Variants in RPH3A observed in about 807,000 individuals in gnomAD.
RPH3A encodes rabphilin 3A.
A neutral mutation model predicts 102.2 loss-of-function variants in RPH3A; 48 were observed. The ratio of observed to expected loss-of-function variants is 0.47; its 90% CI spans 0.37 to 0.60. The LOEUF (loss-of-function observed/expected upper bound fraction) is 0.60. Among genes scored for constraint, RPH3A ranks in the 20% least tolerant of loss-of-function variants. The pLI, the probability that RPH3A is intolerant of heterozygous loss-of-function variation, is 0.00. For missense variants in RPH3A, 781 were observed against 910.1 expected (o/e 0.86, Z 1.83); for synonymous variants, 310 against 324.3 (o/e 0.96, Z 0.47).
intron 5 of RPH3A, among the ~76,000 whole-genome samples, chr12:112,864,906 A>AC (rs1383868604): frequency 2.0e-5 from 3 of 151,056 alleles, no homozygotes; most frequent in South Asian, 2.1e-4. Context: ...GTCAAGGAAG[A>AC]CCCCCCTGCC....
intron 2 of RPH3A, among the ~76,000 whole-genome samples, chr12:112,804,967 G>A (rs1038316380): frequency 1.3e-5 from 2 of 152,104 alleles, no homozygotes; most frequent in Non-Finnish European, 2.9e-5. Context: ...CACTGGCCCT[G>A]GTGAAAGGAG....
chr12:112,718,428 G>T (rs915692458), intron 1 of RPH3A, among the ~76,000 whole-genome samples: 2 of 152,086 alleles, frequency 1.3e-5, no homozygotes, highest in African/African-American at 4.8e-5. Context: ...TATGTCTAAA[G>T]TCTATAACAA....
chr12:112,713,098 T>TTCTTCTTCTTCTTCC, intron 1 of RPH3A, among the ~76,000 whole-genome samples: 1 of 137,458 alleles, frequency 7.3e-6, no homozygotes, highest in African/African-American at 2.6e-5. Flanking sequence ...CTTCTTCTTC[T>TTCTTCTTCTTCTTCC]TCTTTTATTT....
chr12:112,752,518 A>G (rs2040791463), intron 1 of RPH3A, among the ~76,000 whole-genome samples: 2 of 151,588 alleles, frequency 1.3e-5, no homozygotes, highest in South Asian at 4.1e-4. Flanking sequence ...GTTCAAAACC[A>G]CAATCATTGG....
intron 1 of RPH3A, among the ~76,000 whole-genome samples, chr12:112,681,831 G>T (rs2040228129): frequency 6.6e-6 from 1 of 152,204 alleles, no homozygotes; most frequent in African/African-American, 2.4e-5. Flanking sequence ...AAATCTGTTG[G>T]TGCTTCTCTC....
chr12:112,795,592 C>T (rs891749637), intron 2 of RPH3A, among the ~76,000 whole-genome samples: 1 of 152,146 alleles, frequency 6.6e-6, no homozygotes, highest in Non-Finnish European at 1.5e-5. Flanking sequence ...TCTGGCATTT[C>T]CTTGCTGTGT....
In RPH3A at chr12:112,869,996, G is replaced by C. The variant is rs1176405770; in HGVS notation, c.753G>C (p.Trp251Cys). ...MSSSSRDSES[W>C]DHSGGAGDSS... is the part of the protein sequence containing the mutation. ...CATCTAGCCGAGATTCAGAGAGCTG[G>C]GACCACAGTGGGGGTGCTGGAGACT... Residue 251 changes from tryptophan to cysteine, a missense_variant, in exon 10 of 22, where the codon TGG becomes TGC. Around this residue, in one of 2 missense-constraint regions of RPH3A, gnomAD observed 730 missense variants for 810.0 expected, o/e 0.90. Coordinates refer to ENST00000389385, the MANE Select transcript of RPH3A (RefSeq NM_001143854.2). The C allele has an allele frequency of 1.9e-6, 3 of 1,614,000 alleles. No homozygotes were observed. Among genetic ancestry groups the C allele is most frequent in the Non-Finnish European group, 2.5e-6 (3 of 1,180,030 alleles).
At chr12:112,683,282 T>G (rs1341688304) in intron 1 of RPH3A, among the ~76,000 whole-genome samples, 2 of 152,184 alleles carry the variant, frequency 1.3e-5, no homozygotes, top group Non-Finnish European at 2.9e-5. Flanking sequence ...ACCATGAGTG[T>G]TCTTGACTGT....
chr12:112,646,824 A>G (rs987925031), intron 1 of RPH3A, among the ~76,000 whole-genome samples: 1 of 152,174 alleles, frequency 6.6e-6, no homozygotes, highest in African/African-American at 2.4e-5. Context: ...CCCTGTCCTC[A>G]TATTGCTGAT....
chr12:112,813,603 A>T (rs1195333512), intron 2 of RPH3A, among the ~76,000 whole-genome samples: 1 of 152,192 alleles, frequency 6.6e-6, no homozygotes. Context: ...AGACTGTGCT[A>T]AAATGTGATT....
In RPH3A at chr12:112,678,291, A is replaced by AGAGAGAG. The variant is rs1566255250; in HGVS notation, c.-140+102972_-140+102973insGAGAGAG. On this transcript the variant is annotated intron_variant, in intron 1 of 21. Transcript: ENST00000543106. ...AAAGAAAGAAAGAAAGAAAGAAAGA[A>AGAGAGAG]AGAAAGAAAGAAAGAGAGAGAGAGA... is the stretch of plus-strand genomic sequence containing the variant. 3.5e-3 allele frequency among the ~76,000 whole-genome samples: 108 copies of AGAGAGAG among 30,724 alleles called. 9 individuals carry two copies. The highest frequency in any genetic ancestry group is 8.2e-3 in the African/African-American group (52 of 6,364). The allele number at this position is 30,724 out of a possible 152,430, so 20.2% of individuals were successfully genotyped here.
chr12:112,735,635 C>T lies in RPH3A; in HGVS notation c.-139-56508C>T, dbSNP rs115556270. On this transcript the variant is annotated intron_variant, in intron 1 of 21. Transcript: ENST00000543106. ...GCAGAGCCTGGGATGGAGAATGACA[C>T]TTTGCACTTGAGCCTGCCAGAGTTA... 6.6e-3 allele frequency among the ~76,000 whole-genome samples: 1,011 copies of T among 152,272 alleles called. 13 individuals carry two copies. Among genetic ancestry groups the T allele is most frequent in the African/African-American group, 0.023 (972 of 41,550 alleles).
chr12:112,804,653 C>G (rs1263509493), intron 2 of RPH3A, among the ~76,000 whole-genome samples: 2 of 152,218 alleles, frequency 1.3e-5, no homozygotes, highest in Admixed American at 1.3e-4. Flanking sequence ...TCCACTTCGC[C>G]CCTTCCTAGC....
intron 1 of RPH3A, among the ~76,000 whole-genome samples, chr12:112,612,846 G>T (rs2039649639): frequency 6.6e-6 from 1 of 152,040 alleles, no homozygotes; most frequent in African/African-American, 2.4e-5. Flanking sequence ...AAAGTGTTGG[G>T]ATTACAGGTG....
intron 1 of RPH3A, among the ~76,000 whole-genome samples, chr12:112,726,493 C>G (rs374813848): frequency 6.6e-6 from 1 of 152,190 alleles, no homozygotes; most frequent in African/African-American, 2.4e-5. Flanking sequence ...ATTCACCCCT[C>G]TCTAATGATT....
chr12:112,621,365 C>A (rs1447503513), intron 1 of RPH3A, among the ~76,000 whole-genome samples: 14 of 149,310 alleles, frequency 9.4e-5, no homozygotes, highest in African/African-American at 2.7e-4. Flanking sequence ...CGTGCGCGAG[C>A]CGAAGCAGGG....
chr12:112,874,982 T>C, intron 10 of RPH3A, 102 bp from the exon 11 acceptor site: 1 of 913,994 alleles, frequency 1.1e-6, no homozygotes, highest in Non-Finnish European at 1.6e-6. Flanking sequence ...CCAGTGAAAG[T>C]CCAAGGGGCT....
At chr12:112,730,139 G>C (rs879904254) in intron 1 of RPH3A, among the ~76,000 whole-genome samples, 6 of 152,316 alleles carry the variant, frequency 3.9e-5, no homozygotes, top group Admixed American at 3.3e-4. Context: ...TTCCCTTACA[G>C]CTCTCAGAAG....
In RPH3A at chr12:112,847,338, G is replaced by A. The variant is rs148933360; in HGVS notation, c.84-358G>A. Among the ~76,000 whole-genome samples, 603 of 152,260 alleles carry A rather than the reference G, an allele frequency of 4.0e-3. 1 individual carries two copies. Among genetic ancestry groups the A allele is most frequent in the African/African-American group, 0.014 (580 of 41,562 alleles). On this transcript the variant is annotated intron_variant, in intron 4 of 21. Coordinates refer to ENST00000389385, the MANE Select transcript of RPH3A (RefSeq NM_001143854.2). ...GCCCCCAAAAGCCATCTCTCTGCCA[G>A]GCAGATGCTGTGGTCAACCTGGGAC...
Sources: allele counts gnomAD v4.1 joint callset (sites outside exome capture counted in the v4.1 genomes callset), GRCh38; gene constraint gnomAD v4.1.1; regional missense constraint gnomAD v4.1.1; transcripts MANE v1.5; gene names NCBI Gene and HGNC (gene_info 2026-07-23, HGNC 2026-07-21).